Variants in CCDC141 observed in about 807,000 individuals in gnomAD.
CCDC141 encodes the protein coiled-coil domain-containing protein 141.
Under a neutral mutation model 181.0 loss-of-function variants are expected in CCDC141, and 168 were observed. That is an observed-to-expected ratio of 0.93 (90% CI 0.82 to 1.05). The LOEUF is 1.05. CCDC141 is among the 50% of genes least tolerant of loss of function. The pLI is 0.00. For missense variants in CCDC141, 1,902 were observed against 1,788.5 expected, an observed-to-expected ratio of 1.06 and a Z score of -1.14; for synonymous variants, 666 against 642.3, an observed-to-expected ratio of 1.04 and a Z score of -0.56.
At chr2:178,989,596 A>AT (rs1352936523) in intron 2 of CCDC141, among the ~76,000 whole-genome samples, 30 of 84,168 alleles carry the variant, frequency 3.6e-4, no homozygotes, top group African/African-American at 4.7e-4. Context: ...CCTGCCTCAA[A>AT]AAAAAAAAAA....
At chr2:178,886,355 G>T (rs1200367860) in intron 10 of CCDC141, among the ~76,000 whole-genome samples, 1 of 152,124 alleles carries the variant, frequency 6.6e-6, no homozygotes, top group Non-Finnish European at 1.5e-5. Flanking sequence ...TATATCCTTG[G>T]AATCTTGCAA....
intron 5 of CCDC141, among the ~76,000 whole-genome samples, chr2:178,947,048 G>A (rs1013078396): frequency 6.6e-6 from 1 of 152,152 alleles, no homozygotes; most frequent in African/African-American, 2.4e-5. Flanking sequence ...CAGACTCTTC[G>A]ATCAGATTTA....
At chr2:178,922,514 C>T (rs1688736689) in intron 6 of CCDC141, among the ~76,000 whole-genome samples, 1 of 152,160 alleles carries the variant, frequency 6.6e-6, no homozygotes, top group East Asian at 1.9e-4. Flanking sequence ...GACAAGACCT[C>T]GGAGGTGATA....
rs373396922 is a variant in CCDC141, at chr2:178,846,413, G to A, written c.3358-671C>T. On this transcript the variant is annotated intron_variant, in intron 21 of 23. Coordinates refer to ENST00000443758, the MANE Select transcript of CCDC141 (RefSeq NM_173648.4). ...ACACATGATAGAACACACCAGTTTA[G>A]AATGATGATTATACTGCAATGGAAG... Among the ~76,000 whole-genome samples, 19 of 152,282 alleles carry A rather than the reference G, an allele frequency of 1.2e-4. No individual in the cohort carries two copies. In the South Asian group the frequency reaches 3.7e-3, roughly 30 times the overall value.
At chr2:178,942,369 T>C (rs530102914) in intron 6 of CCDC141, among the ~76,000 whole-genome samples, 2 of 152,196 alleles carry the variant, frequency 1.3e-5, no homozygotes, top group African/African-American at 2.4e-5. Flanking sequence ...TAAACTTAAA[T>C]ACATATTACT....
chr2:178,853,320 C>T lies in CCDC141; in HGVS notation c.3244+121G>A, dbSNP rs1169756212. The stretch of plus-strand genomic sequence containing the variant: ...GTGGGCTCTTACCTTGAACATTTTC[C>T]CTGAATACACTGGTGTGCTGAGGAC... On this transcript the variant is annotated intron_variant, in intron 20 of 23. Transcript: ENST00000443758. 6 of 809,074 alleles carry T rather than the reference C, an allele frequency of 7.4e-6. No individual in the cohort carries two copies. The Admixed American group carries it at 1.1e-4, about 14-fold the overall frequency. The allele number at this position is 809,074 out of a possible 1,614,324, so 50.1% of individuals were successfully genotyped here.
rs761393996 is a variant in CCDC141, at chr2:178,872,330, C to A, written c.1900-18G>T. The A allele has an allele frequency of 1.3e-6, 2 of 1,582,906 alleles. No individual in the cohort carries two copies. The highest frequency in any genetic ancestry group is 4.5e-5 in the East Asian group (2 of 44,556). ...TCTTTTGCCTGTTAAATTAATAATT[C>A]ATATAATAGCTTTTCTTTCCCAAGA... On this transcript the variant is annotated intron_variant, in intron 12 of 23. Transcript: ENST00000443758.
intron 22 of CCDC141, among the ~76,000 whole-genome samples, chr2:178,844,375 A>C (rs1358098689): frequency 6.6e-6 from 1 of 152,172 alleles, no homozygotes; most frequent in Admixed American, 6.5e-5. Context: ...ATACTGCTAA[A>C]CTACAATGCG....
At chr2:178,868,439 C>A (rs984994917) in intron 15 of CCDC141, among the ~76,000 whole-genome samples, 5 of 151,706 alleles carry the variant, frequency 3.3e-5, no homozygotes, top group African/African-American at 1.2e-4. Flanking sequence ...TGGTCATGAC[C>A]CAAAACCTTA....
chr2:178,956,966 G>T (rs997204044), intron 5 of CCDC141, among the ~76,000 whole-genome samples: 1 of 151,542 alleles, frequency 6.6e-6, no homozygotes, highest in Admixed American at 6.6e-5. Flanking sequence ...CACAAACTCC[G>T]CCTCCCAGGT....
chr2:178,943,001 T>C (rs1177799328), intron 6 of CCDC141, among the ~76,000 whole-genome samples: 1 of 152,166 alleles, frequency 6.6e-6, no homozygotes, highest in Non-Finnish European at 1.5e-5. Context: ...TATTCTACTC[T>C]AGACTGTCTT....
intron 7 of CCDC141, among the ~76,000 whole-genome samples, chr2:178,911,375 CA>C (rs1169856157): frequency 6.6e-6 from 1 of 152,172 alleles, no homozygotes; most frequent in East Asian, 1.9e-4. Context: ...AGCCAATGCA[CA>C]GGGAAGTTAA....
chr2:179,022,654 G>T (rs1375929365), intron 2 of CCDC141, among the ~76,000 whole-genome samples: 7 of 152,284 alleles, frequency 4.6e-5, no homozygotes, highest in African/African-American at 1.7e-4. Context: ...TAATTACTCA[G>T]ATAGTGCCTT....
chr2:178,874,976 GCCAGGGGCAGAGACGTCA>G lies in CCDC141; in HGVS notation c.1900-2682_1900-2665del, dbSNP rs1686294765. 3 of 152,344 alleles carry G rather than the reference GCCAGGGGCAGAGACGTCA, an allele frequency of 2.0e-5. No individual in the cohort carries two copies. The South Asian group carries it at 6.2e-4, about 32-fold the overall frequency. 9.4% of individuals were successfully genotyped at this position (152,344 alleles called of 1,614,324 possible). On this transcript the variant is annotated intron_variant, in intron 12 of 23. Transcript: ENST00000443758. ...AAACAAAGATTGGAGTTTGTGACCT[GCCAGGGGCAGAGACGTCA>G]GAGAAAGCACTTGGCTCTCAATACA...
At chr2:179,014,307 C>G (rs2042361749) in intron 2 of CCDC141, among the ~76,000 whole-genome samples, 1 of 152,206 alleles carries the variant, frequency 6.6e-6, no homozygotes, top group East Asian at 1.9e-4. Flanking sequence ...AGGTCTGAAA[C>G]TATAAAAATT....
At chr2:179,029,512 A>T (rs146432212) in intron 2 of CCDC141, among the ~76,000 whole-genome samples, 37 of 152,308 alleles carry the variant, frequency 2.4e-4, no homozygotes, top group African/African-American at 8.4e-4. Flanking sequence ...TTGCTTCTAT[A>T]AGTTTTTCAA....
At chr2:178,834,646 T>C (rs760150035) in intron 23 of CCDC141, among the ~76,000 whole-genome samples, 3 of 151,946 alleles carry the variant, frequency 2.0e-5, no homozygotes, top group Non-Finnish European at 2.9e-5. Flanking sequence ...TCAGAGATCA[T>C]TGCGGTCTCA....
At chr2:179,015,286 C>CATATATCTCATCTATATTAT (rs376208411) in intron 2 of CCDC141, among the ~76,000 whole-genome samples, 1 of 120,862 alleles carries the variant, frequency 8.3e-6, no homozygotes, top group Non-Finnish European at 1.7e-5. Context: ...ATCTATCTCT[C>CATATATCTCATCTATATTAT]ATATATCTCA....
intron 2 of CCDC141, among the ~76,000 whole-genome samples, chr2:179,012,257 T>A (rs2042290846): frequency 6.6e-6 from 1 of 151,506 alleles, no homozygotes; most frequent in Non-Finnish European, 1.5e-5. Flanking sequence ...AGAGAGAAAA[T>A]CCAAATCACC....
Sources: gnomAD v4.1 joint callset for allele counts (sites outside exome capture counted in the v4.1 genomes callset) on GRCh38, gnomAD v4.1.1 for gene constraint, MANE v1.5 for transcripts, NCBI Gene and HGNC (gene_info 2026-07-23, HGNC 2026-07-21) for gene names.